The following ENTREP2 variants were observed in gnomAD, a reference collection of about 807,000 sequenced individuals.
ENTREP2 encodes protein ENTREP2.
the ENTREP2 span, among the ~76,000 whole-genome samples, chr15:29,394,139 A>G: frequency 2.6e-5 from 4 of 152,206 alleles, no homozygotes; most frequent in Non-Finnish European, 5.9e-5. Flanking sequence ...AGGAAGGAAG[A>G]TTTTTAGTAA....
At chr15:29,415,538 A>G in the ENTREP2 span, among the ~76,000 whole-genome samples, 3 of 152,084 alleles carry the variant, frequency 2.0e-5, no homozygotes, top group Non-Finnish European at 4.4e-5. Flanking sequence ...CCCACAGCCA[A>G]TATCATACTG....
chr15:29,480,864 G>A, the ENTREP2 span, among the ~76,000 whole-genome samples: 1 of 152,190 alleles, frequency 6.6e-6, no homozygotes, highest in Non-Finnish European at 1.5e-5. Context: ...GGGCAATGTG[G>A]AGGCGAGACA....
chr15:29,261,815 A>C, the ENTREP2 span, among the ~76,000 whole-genome samples: 1 of 152,114 alleles, frequency 6.6e-6, no homozygotes, highest in Admixed American at 6.5e-5. Context: ...ATATAACAAA[A>C]ATACATCTGA....
the ENTREP2 span, among the ~76,000 whole-genome samples, chr15:29,536,689 C>A: frequency 6.6e-6 from 1 of 151,842 alleles, no homozygotes; most frequent in Non-Finnish European, 1.5e-5. Context: ...AAGGTCTTTG[C>A]AGATTTAACC....
chr15:29,453,538 C>CA, the ENTREP2 span, among the ~76,000 whole-genome samples: 1 of 152,198 alleles, frequency 6.6e-6, no homozygotes, highest in Non-Finnish European at 1.5e-5. Flanking sequence ...ACACCCCCAC[C>CA]GGCCAGAGTG....
At chr15:29,136,905 G>A in the ENTREP2 span, 1 of 834,572 alleles carries the variant, frequency 1.2e-6, no homozygotes, top group Non-Finnish European at 1.7e-6. Flanking sequence ...GTATGTCTAA[G>A]ACCCTCTCCT....
chr15:29,437,140 C>T, the ENTREP2 span, among the ~76,000 whole-genome samples: 1 of 152,238 alleles, frequency 6.6e-6, no homozygotes, highest in African/African-American at 2.4e-5. Context: ...ACATCTCCCA[C>T]TAGTGCAAAA....
chr15:29,404,607 G>A, the ENTREP2 span, among the ~76,000 whole-genome samples: 2 of 151,022 alleles, frequency 1.3e-5, no homozygotes, highest in Admixed American at 6.6e-5. Flanking sequence ...GGGCTCCCTC[G>A]GCCCATCATC....
At chr15:29,375,056 G>A in the ENTREP2 span, 1 of 152,114 alleles carries the variant, frequency 6.6e-6, no homozygotes, top group Non-Finnish European at 1.5e-5. Context: ...GTATTCCTAT[G>A]AACGTTCTCA....
At chr15:29,464,934 A>G in the ENTREP2 span, among the ~76,000 whole-genome samples, 1 of 152,314 alleles carries the variant, frequency 6.6e-6, no homozygotes, top group East Asian at 1.9e-4. Context: ...TTTTAAAGCG[A>G]ACAGATGAAT....
the ENTREP2 span, among the ~76,000 whole-genome samples, chr15:29,405,432 C>T: frequency 6.6e-6 from 1 of 151,996 alleles, no homozygotes; most frequent in African/African-American, 2.4e-5. Context: ...TCGCCCCACT[C>T]AATGACACTG....
At chr15:29,653,961 C>T in the ENTREP2 span, among the ~76,000 whole-genome samples, 2 of 152,202 alleles carry the variant, frequency 1.3e-5, no homozygotes, top group South Asian at 2.1e-4. Context: ...AAGCATTCCA[C>T]ATTTCTGCTC....
chr15:29,528,225 C>T, the ENTREP2 span, among the ~76,000 whole-genome samples: 1 of 151,628 alleles, frequency 6.6e-6, no homozygotes, highest in Admixed American at 6.6e-5. Context: ...TTGGGTGGTC[C>T]GTAGTATCAT....
the ENTREP2 span, among the ~76,000 whole-genome samples, chr15:29,422,483 C>T: frequency 6.6e-6 from 1 of 152,074 alleles, no homozygotes; most frequent in Non-Finnish European, 1.5e-5. Context: ...AAGAGAACGG[C>T]AGGGTAAACT....
chr15:29,298,437 AT>A, the ENTREP2 span, among the ~76,000 whole-genome samples: 3 of 152,206 alleles, frequency 2.0e-5, no homozygotes, highest in African/African-American at 7.2e-5. Flanking sequence ...AAAACAATTC[AT>A]TGATAATTAA....
At chr15:29,642,609 A>G in the ENTREP2 span, among the ~76,000 whole-genome samples, 283 of 149,688 alleles carry the variant, frequency 1.9e-3, 2 homozygotes, top group African/African-American at 6.4e-3. Flanking sequence ...ATGTATACAT[A>G]CATACATACT....
the ENTREP2 span, among the ~76,000 whole-genome samples, chr15:29,354,585 T>C: frequency 6.6e-6 from 1 of 152,044 alleles, no homozygotes; most frequent in Non-Finnish European, 1.5e-5. Flanking sequence ...CCAAAATAGA[T>C]ATTTTGATGA....
the ENTREP2 span, among the ~76,000 whole-genome samples, chr15:29,342,790 C>T: frequency 2.0e-5 from 3 of 152,060 alleles, no homozygotes; most frequent in South Asian, 4.2e-4. Context: ...CTGACCCCGC[C>T]CATTTTTCTT....
the ENTREP2 span, among the ~76,000 whole-genome samples, chr15:29,137,391 T>G: frequency 6.6e-6 from 1 of 152,188 alleles, no homozygotes; most frequent in Admixed American, 6.5e-5. Flanking sequence ...CAAAACGCTT[T>G]GTTGCCCACG....
Sources: allele counts gnomAD v4.1 joint callset (sites outside exome capture counted in the v4.1 genomes callset), GRCh38; gene constraint gnomAD v4.1.1; transcripts MANE v1.5; gene names NCBI Gene and HGNC (gene_info 2026-07-23, HGNC 2026-07-21).